Variants in PDZD4 observed in about 807,000 individuals in gnomAD.
The protein encoded by PDZD4 is PDZ domain containing 4.
PDZD4 carries 9 observed loss-of-function variants against 38.5 expected under a neutral mutation model. The observed-to-expected ratio is 0.23, with a 90% CI of 0.14 to 0.41. The LOEUF is 0.41. Ranked by LOEUF, PDZD4 falls within the 10% of genes least tolerant of loss-of-function variation. PDZD4 has a pLI of 1.00. For synonymous variants in PDZD4, 349 were observed against 315.7 expected (o/e 1.11, Z -1.12); for missense variants, 612 against 722.0 (o/e 0.85, Z 1.75).
intron 1 of PDZD4, among the ~76,000 whole-genome samples, chrX:153,819,137 G>C (rs2064394242): frequency 8.9e-6 from 1 of 112,777 alleles, no homozygotes; most frequent in Admixed American, 9.2e-5. Flanking sequence ...CTGCGGCTGC[G>C]GGAGCAGGGC....
intron 1 of PDZD4, among the ~76,000 whole-genome samples, chrX:153,816,481 C>A (rs782231369): frequency 1.8e-5 from 2 of 109,628 alleles, no homozygotes; most frequent in Admixed American, 1.9e-4. Context: ...GGGGGGTGGG[C>A]CCGGGAAGCA....
intron 1 of PDZD4, among the ~76,000 whole-genome samples, chrX:153,822,822 C>T (rs1351366872): frequency 5.4e-5 from 6 of 110,876 alleles, no homozygotes; most frequent in Admixed American, 9.6e-5. Flanking sequence ...GGACTAGAGG[C>T]GCATGCCACT....
chrX:153,825,334 T>C (rs2148477518), intron 1 of PDZD4, among the ~76,000 whole-genome samples: 1 of 111,890 alleles, frequency 8.9e-6, no homozygotes, highest in African/African-American at 3.2e-5. Flanking sequence ...AAGCACATCA[T>C]GGTGTCAGAG....
intron 1 of PDZD4, among the ~76,000 whole-genome samples, chrX:153,815,431 T>A (rs2064351560): frequency 8.9e-6 from 1 of 112,357 alleles, no homozygotes; most frequent in Admixed American, 9.4e-5. Flanking sequence ...ACACACTTAG[T>A]CTGAATCTTA....
In PDZD4 at chrX:153,806,933, C is replaced by A. The variant is rs1005388432; in HGVS notation, c.406-93G>T. ...CAGCACAGCCCAGCCCCTCAGCCCG[C>A]AACCCCTCAGCCCGCAGCCCCTCAG... is the stretch of plus-strand genomic sequence containing the variant. On this transcript the variant is annotated intron_variant, in intron 3 of 7. Coordinates refer to ENST00000393758, the MANE Select transcript of PDZD4 (RefSeq NM_001303512.2). 5 of 767,984 alleles carry A rather than the reference C, an allele frequency of 6.5e-6. No individual in the cohort carries two copies. The African/African-American group carries it at 1.0e-4, about 16-fold the overall frequency. 63.3% of individuals were successfully genotyped at this position (767,984 alleles called of 1,213,427 possible). A position where few individuals can be genotyped will look rare whatever the true frequency, so the allele number is the denominator to read the frequency against.
intron 1 of PDZD4, among the ~76,000 whole-genome samples, chrX:153,826,781 T>C (rs782389425): frequency 8.9e-6 from 1 of 112,008 alleles, no homozygotes; most frequent in South Asian, 3.7e-4. Context: ...ATTCCATTTA[T>C]GATAGCATCA....
chrX:153,830,211 G>GC (rs781842312), intron 1 of PDZD4, 28 bp downstream of exon 1: 19 of 1,179,135 alleles, frequency 1.6e-5, no homozygotes, highest in Middle Eastern at 2.4e-4. Context: ...GGAGGGCCGC[G>GC]CCCCCGCCGC....
chrX:153,808,222 G>A (rs1006383304), intron 2 of PDZD4, 120 bp downstream of exon 2: 39 of 1,069,363 alleles, frequency 3.6e-5, no homozygotes, highest in Admixed American at 2.3e-4. Context: ...TGGGTACCAC[G>A]GTCAGTTCTG....
intron 6 of PDZD4, 107 bp downstream of exon 6, chrX:153,805,398 C>CCCCAAAAAAAAA: frequency 1.8e-6 from 1 of 553,493 alleles, no homozygotes; most frequent in Non-Finnish European, 3.0e-6. Context: ...ACCCGCCCTC[C>CCCCAAAAAAAAA]ATCAACTCCA....
Position 153,830,541 on chromosome X carries a change from G to T in PDZD4, c.-243C>A. ...CCCTCGCACCCGGCCAGGAGAAAAAGGGCAGCGGGGGATGGGCGGGCGCGC... is the reference window on the plus strand; with the variant it reads ...CCCTCGCACCCGGCCAGGAGAAAAATGGCAGCGGGGGATGGGCGGGCGCGC... On this transcript the variant is annotated 5_prime_UTR_variant, in exon 1 of 8. Coordinates refer to ENST00000393758, the MANE Select transcript of PDZD4 (RefSeq NM_001303512.2). The T allele has an allele frequency of 4.2e-6, 1 of 235,809 alleles. No individual in the cohort carries two copies. Among genetic ancestry groups the T allele is most frequent in the Non-Finnish European group, 7.6e-6 (1 of 132,249 alleles). The allele number at this position is 235,809 out of a possible 1,213,427, so 19.4% of individuals were successfully genotyped here.
chrX:153,809,628 A>G (rs1433299799), intron 1 of PDZD4, among the ~76,000 whole-genome samples: 1 of 113,024 alleles, frequency 8.8e-6, no homozygotes, highest in African/African-American at 3.2e-5. Context: ...GGCACGTGCC[A>G]TGTGCTACAT....
At chrX:153,811,731 G>T (rs1557078788) in intron 1 of PDZD4, among the ~76,000 whole-genome samples, 1 of 112,535 alleles carries the variant, frequency 8.9e-6, no homozygotes, top group Non-Finnish European at 1.9e-5. Context: ...CAGCCAAGAA[G>T]GTATTTGTTG....
chrX:153,811,264 A>G (rs1557078725), intron 1 of PDZD4, among the ~76,000 whole-genome samples: 3 of 111,221 alleles, frequency 2.7e-5, no homozygotes, highest in African/African-American at 9.8e-5. Context: ...AGCCTCCCCA[A>G]TAGCTAGGAT....
chrX:153,824,715 GGGGCC>G, intron 1 of PDZD4, among the ~76,000 whole-genome samples: 1 of 112,043 alleles, frequency 8.9e-6, no homozygotes, highest in Non-Finnish European at 1.9e-5. Context: ...AGGGGAGCCT[GGGGCC>G]AGGCGTGGTG....
intron 1 of PDZD4, among the ~76,000 whole-genome samples, chrX:153,814,473 A>ACCCCCCCCCC (rs782572040): frequency 2.5e-5 from 1 of 40,389 alleles, no homozygotes; most frequent in Non-Finnish European, 4.4e-5. Context: ...GACTCCATCC[A>ACCCCCCCCCC]CCCCCCACCC....
At chrX:153,805,244 G>A (rs1452455268) in intron 6 of PDZD4, 37 bp from the exon 7 acceptor site, 1 of 1,111,376 alleles carries the variant, frequency 9.0e-7, no homozygotes, top group East Asian at 3.0e-5. Flanking sequence ...ACAGCTTCAA[G>A]GACCTCCCCA....
chrX:153,829,131 G>C (rs376603488), intron 1 of PDZD4, among the ~76,000 whole-genome samples: 1 of 111,274 alleles, frequency 9.0e-6, no homozygotes, highest in Non-Finnish European at 1.9e-5. Context: ...CAGGTGGCCA[G>C]AGGAGCTCGG....
chrX:153,811,988 C>T (rs1462278328), intron 1 of PDZD4, among the ~76,000 whole-genome samples: 1 of 111,739 alleles, frequency 8.9e-6, no homozygotes, highest in Non-Finnish European at 1.9e-5. Context: ...TAGAAATGTA[C>T]AGGTAACTGA....
intron 1 of PDZD4, among the ~76,000 whole-genome samples, chrX:153,824,362 C>T (rs916303731): frequency 7.1e-5 from 8 of 111,985 alleles, no homozygotes; most frequent in Admixed American, 5.7e-4. Flanking sequence ...TCAGAGCCTG[C>T]TTCTTCCCCA....
Sources: allele counts gnomAD v4.1 joint callset (sites outside exome capture counted in the v4.1 genomes callset), GRCh38; gene constraint gnomAD v4.1.1; transcripts MANE v1.5; gene names NCBI Gene and HGNC (gene_info 2026-07-23, HGNC 2026-07-21).